Variants in ZNF888 observed in about 807,000 individuals in gnomAD.
The protein encoded by ZNF888 is CTD-2331H12.6.
ZNF888 carries 5 observed loss-of-function variants against 7.2 expected under a neutral mutation model. The observed-to-expected ratio is 0.70, with a 90% confidence interval of 0.36 to 1.46. The LOEUF is 1.46. Ranked by LOEUF, ZNF888 falls within the 40% of genes most tolerant of loss-of-function variation. The probability of loss-of-function intolerance (pLI) is 0.03; values close to 1 mark genes in which losing one functional copy is unlikely to be tolerated. For synonymous variants in ZNF888, 240 were observed against 284.3 expected (o/e 0.84, Z 1.57); for missense variants, 716 against 858.0 (o/e 0.83, Z 2.07).
Position 52,923,420 on chromosome 19 carries a change from T to C in ZNF888, c.-229A>G. ...CGATCCGCTTCCTGGTCCGGGCGAA[T>C]CTACAAGCACAGGACAGAAGCCAGG... On this transcript the variant is annotated 5_prime_UTR_variant, in exon 1 of 5. Coordinates refer to ENST00000638862, the MANE Select transcript of ZNF888 (RefSeq NM_001393938.1). 4 of 985,194 alleles carry C rather than the reference T, an allele frequency of 4.1e-6. No individual in the cohort carries two copies. The highest frequency in any genetic ancestry group is 4.8e-6 in the Non-Finnish European group (4 of 830,038). 61.0% of individuals were successfully genotyped at this position (985,194 alleles called of 1,614,324 possible).
rs145845241 is a variant in ZNF888 at position 52,906,633 on chromosome 19, T to A, written c.1689A>T (p.Ser563=). ...GAAGTCTATGATGATATGCAAGGCTTGATTTGTGATTAAAACTTTTGCCAC... is the reference window on the plus strand; with the variant it reads ...GAAGTCTATGATGATATGCAAGGCTAGATTTGTGATTAAAACTTTTGCCAC... ...NECGKSFNHK[S]SLAYHHRLHT... Residue 563 remains serine (S), a synonymous_variant, in exon 5 of 5, where the codon TCA becomes TCT. Coordinates refer to ENST00000638862, the MANE Select transcript of ZNF888 (RefSeq NM_001393938.1). 10,956 of 1,613,884 alleles carry A rather than the reference T, an allele frequency of 6.8e-3. 55 individuals carry two copies. Among genetic ancestry groups the A allele is most frequent in the Non-Finnish European group, 8.2e-3 (9,689 of 1,179,822 alleles).
At position 52,906,950 on chromosome 19, in the gene ZNF888, T is replaced by A. The variant is rs1377349480; in HGVS notation, c.1372A>T (p.Arg458Ter). ...TAAGGTTTCTCTCCAGTATGAAGTCTATGATGACGTGCAAGGTTTGATTGT... is the reference window on the plus strand; with the variant it reads ...TAAGGTTTCTCTCCAGTATGAAGTCAATGATGACGTGCAAGGTTTGATTGT... ...NQQSNLARHHRLHTGEKPYKC... is the reference protein window; with the variant it reads ...NQQSNLARHH The change falls in exon 5 of 5, where the codon AGA becomes TGA. Residue 458 changes from arginine (R) to a stop codon, truncating the protein, a stop_gained. Transcript: ENST00000638862. LOFTEE classifies it low-confidence loss of function (END_TRUNC). The A allele has an allele frequency of 3.7e-6, 6 of 1,613,048 alleles. No homozygotes were observed. The highest frequency in any genetic ancestry group is 4.2e-6 in the Non-Finnish European group (5 of 1,179,516).
intron 3 of ZNF888, among the ~76,000 whole-genome samples, chr19:52,915,730 C>T (rs988625167): frequency 2.6e-5 from 4 of 152,114 alleles, no homozygotes; most frequent in Admixed American, 2.6e-4. Flanking sequence ...CCACCTCGGC[C>T]TCCCAAAGTT....
intron 4 of ZNF888, among the ~76,000 whole-genome samples, chr19:52,912,019 TAGTC>T (rs892989288): frequency 4.5e-4 from 67 of 147,672 alleles, no homozygotes; most frequent in African/African-American, 1.6e-3. Flanking sequence ...TTCACCGTGT[TAGTC>T]AGGATGGTCG....
intron 4 of ZNF888, 45 bp from the exon 5 acceptor site, chr19:52,908,224 A>T (rs760551487): frequency 3.2e-6 from 5 of 1,547,808 alleles, no homozygotes; most frequent in Non-Finnish European, 4.5e-6. Context: ...AGTACAGATA[A>T]TATATAATAC....
At chr19:52,914,348 A>G (rs2064719695) in intron 4 of ZNF888, 1 of 984,428 alleles carries the variant, frequency 1.0e-6, no homozygotes, top group East Asian at 1.1e-4. Context: ...TTTTCACTTC[A>G]CTCTCCACAG....
Position 52,907,167 on chromosome 19 carries a change from C to G in ZNF888, c.1155G>C (p.Lys385Asn). The change falls in exon 5 of 5, where the codon AAG becomes AAC. Residue 385 changes from lysine (K) to asparagine (N), a missense_variant. Lys to Asn is a moderately conservative substitution (Grantham distance 94, BLOSUM62 0). Around this residue, in one of 2 missense-constraint regions of ZNF888, gnomAD observed 697 missense variants for 803.4 expected, o/e 0.87. Transcript: ENST00000638862. The stretch of plus-strand genomic sequence containing the variant: ...CATGTCTGAAAGCCTTGTCACAAAC[C>G]TTACATTTGTATGGTTTCTCACCAG... ...IHTGEKPYKCKVCDKAFRHDS... is the reference protein window; with the variant it reads ...IHTGEKPYKCNVCDKAFRHDS... 1 of 1,611,868 alleles carries G rather than the reference C, an allele frequency of 6.2e-7. No homozygotes were observed. The highest frequency in any genetic ancestry group is 8.5e-7 in the Non-Finnish European group (1 of 1,179,462).
intron 4 of ZNF888, among the ~76,000 whole-genome samples, chr19:52,912,032 C>A (rs1420814865): frequency 6.6e-6 from 1 of 151,168 alleles, no homozygotes; most frequent in Non-Finnish European, 1.5e-5. Context: ...TCAGGATGGT[C>A]GCGATCTCCT....
chr19:52,919,943 T>C (rs1249553306), intron 1 of ZNF888, among the ~76,000 whole-genome samples: 1 of 58,306 alleles, frequency 1.7e-5, no homozygotes, highest in African/African-American at 6.7e-5. Context: ...GTCTGGGAAG[T>C]GAGGAGCCCC....
rs560443961 is a variant in ZNF888 at position 52,911,962 on chromosome 19, A to G, written c.142+3234T>C. Among the ~76,000 whole-genome samples the G allele has an allele frequency of 2.7e-4, 41 of 150,998 alleles. 1 individual carries two copies. The highest frequency in any genetic ancestry group is 2.5e-3 in the South Asian group (12 of 4,760). On this transcript the variant is annotated intron_variant, in intron 4 of 4. Coordinates refer to ENST00000638862, the MANE Select transcript of ZNF888 (RefSeq NM_001393938.1). ...CTCCCAGGTTGCTGGGACTACAGGCACCCGCCACCACACCCTAATTTTTTG... is the reference window on the plus strand; with the variant it reads ...CTCCCAGGTTGCTGGGACTACAGGCGCCCGCCACCACACCCTAATTTTTTG...
At chr19:52,909,462 C>G (rs1230579125) in intron 4 of ZNF888, among the ~76,000 whole-genome samples, 1 of 151,696 alleles carries the variant, frequency 6.6e-6, no homozygotes, top group Non-Finnish European at 1.5e-5. Context: ...TGGCAAGGCT[C>G]GTCTCGAACT....
intron 4 of ZNF888, among the ~76,000 whole-genome samples, chr19:52,914,759 C>T (rs561606173): frequency 3.2e-4 from 49 of 152,228 alleles, no homozygotes; most frequent in African/African-American, 1.1e-3. Flanking sequence ...CTTCACCTCC[C>T]GGGTTTGAGT....
In ZNF888 at chr19:52,908,765, T is replaced by G. The variant is rs1228372486; in HGVS notation, c.143-586A>C. ...GGAGGCTGAGGCACAAGAATCACTTTAAGCCAAGAGGCAAAGGTTGCAGTG... is the reference window on the plus strand; with the variant it reads ...GGAGGCTGAGGCACAAGAATCACTTGAAGCCAAGAGGCAAAGGTTGCAGTG... On this transcript the variant is annotated intron_variant, in intron 4 of 4. Coordinates refer to ENST00000638862, the MANE Select transcript of ZNF888 (RefSeq NM_001393938.1). Among the ~76,000 whole-genome samples the G allele has an allele frequency of 1.2e-3, 178 of 146,054 alleles. 1 individual carries two copies. Among genetic ancestry groups the G allele is most frequent in the South Asian group, 6.4e-4 (3 of 4,676 alleles).
intron 3 of ZNF888, among the ~76,000 whole-genome samples, chr19:52,915,768 C>T (rs543291212): frequency 1.8e-4 from 21 of 113,518 alleles, no homozygotes; most frequent in Non-Finnish European, 3.7e-4. Context: ...AGCCACCATA[C>T]CCGGCCTCAC....
chr19:52,905,779 A>G lies in ZNF888; in HGVS notation c.*386T>C, dbSNP rs1205348731. On this transcript the variant is annotated 3_prime_UTR_variant, in exon 5 of 5. Transcript: ENST00000638862. ...TATTATCTCAAAAATAAATTTTCTGATATTCTGCAAGGAGTGATCTCAGAC... is the reference window on the plus strand; with the variant it reads ...TATTATCTCAAAAATAAATTTTCTGGTATTCTGCAAGGAGTGATCTCAGAC... The G allele has an allele frequency of 2.7e-5, 16 of 590,862 alleles. No individual in the cohort carries two copies. The highest frequency in any genetic ancestry group is 9.9e-6 in the Non-Finnish European group (3 of 302,222). The allele number at this position is 590,862 out of a possible 1,614,324, so 36.6% of individuals were successfully genotyped here.
intron 4 of ZNF888, among the ~76,000 whole-genome samples, chr19:52,912,163 G>A (rs2064689531): frequency 6.8e-6 from 1 of 146,032 alleles, no homozygotes; most frequent in Non-Finnish European, 1.5e-5. Context: ...ACCCAGGCTG[G>A]AGTGTCGTGG....
chr19:52,914,871 T>C (rs1264793449), intron 4 of ZNF888, among the ~76,000 whole-genome samples: 1 of 152,184 alleles, frequency 6.6e-6, no homozygotes, highest in Non-Finnish European at 1.5e-5. Context: ...TTCTCCATGT[T>C]GGCCAGGCTG....
At chr19:52,915,140 A>G in intron 4 of ZNF888, 56 bp downstream of exon 4, 2 of 1,522,632 alleles carry the variant, frequency 1.3e-6, no homozygotes, top group Non-Finnish European at 1.8e-6. Flanking sequence ...CAAGAGAAAC[A>G]AGAGAAAATG....
Position 52,904,581 on chromosome 19 carries a change from G to A in ZNF888, c.*1584C>T, listed in dbSNP as rs373549882. On this transcript the variant is annotated 3_prime_UTR_variant, in exon 5 of 5. Transcript: ENST00000638862. The stretch of plus-strand genomic sequence containing the variant: ...GAGCAAGCAGTGGGTATGTGACAGG[G>A]GCTGCATGCACCGGTGTTCAGAGTG... 2.0e-5 allele frequency: 3 copies of A among 152,198 alleles called. No individual in the cohort carries two copies. The highest frequency in any genetic ancestry group is 4.4e-5 in the Non-Finnish European group (3 of 68,040). The allele number at this position is 152,198 out of a possible 1,614,324, so 9.4% of individuals were successfully genotyped here. A position where few individuals can be genotyped will look rare whatever the true frequency, so the allele number is the denominator to read the frequency against.
Sources: allele counts gnomAD v4.1 joint callset (sites outside exome capture counted in the v4.1 genomes callset), GRCh38; gene constraint gnomAD v4.1.1; regional missense constraint gnomAD v4.1.1; transcripts MANE v1.5; gene names NCBI Gene and HGNC (gene_info 2026-07-23, HGNC 2026-07-21).